PPP2R2B: variants seen among roughly 807,000 people sequenced by gnomAD.
The protein encoded by PPP2R2B is serine/threonine-protein phosphatase 2A 55 kDa regulatory subunit B beta isoform.
A neutral mutation model predicts 46.0 loss-of-function variants in PPP2R2B; 5 were observed. The observed-to-expected ratio is 0.11, with a 90% CI of 0.06 to 0.23. The LOEUF (loss-of-function observed/expected upper bound fraction) is 0.23, where lower values mean the gene tolerates loss of function less well. Ranked by LOEUF, PPP2R2B falls within the 10% of genes least tolerant of loss-of-function variation. PPP2R2B has a pLI of 1.00. For missense variants in PPP2R2B, 367 were observed against 575.0 expected, an observed-to-expected ratio of 0.64 and a Z score of 3.70; for synonymous variants, 215 against 206.7, an observed-to-expected ratio of 1.04 and a Z score of -0.34.
At chr5:146,915,471 C>T (rs1455084160) in intron 1 of PPP2R2B, among the ~76,000 whole-genome samples, 1 of 146,460 alleles carries the variant, frequency 6.8e-6, no homozygotes, top group Non-Finnish European at 1.5e-5. Flanking sequence ...CACACACACA[C>T]ACGTACACAT....
intron 1 of PPP2R2B, among the ~76,000 whole-genome samples, chr5:146,973,193 G>A: frequency 6.6e-6 from 1 of 152,106 alleles, no homozygotes; most frequent in South Asian, 2.1e-4. Flanking sequence ...TTACTTGGTT[G>A]TCCCAGTAGC....
At chr5:146,787,788 G>A (rs1269753787) in intron 2 of PPP2R2B, among the ~76,000 whole-genome samples, 2 of 152,076 alleles carry the variant, frequency 1.3e-5, no homozygotes, top group Non-Finnish European at 2.9e-5. Context: ...GGCTAGTCTC[G>A]AACTCCTGAC....
intron 5 of PPP2R2B, among the ~76,000 whole-genome samples, chr5:146,652,116 G>C (rs548954707): frequency 1.3e-5 from 2 of 152,302 alleles, no homozygotes; most frequent in Middle Eastern, 6.8e-3. Flanking sequence ...TTACGGATAA[G>C]GGCCTATAGA....
intron 2 of PPP2R2B, among the ~76,000 whole-genome samples, chr5:146,798,008 A>C (rs1756646284): frequency 6.6e-6 from 1 of 152,044 alleles, no homozygotes; most frequent in Non-Finnish European, 1.5e-5. Flanking sequence ...ATCTCCTTTC[A>C]GAGTCTCCCT....
rs1338503675 is a variant in PPP2R2B at position 146,812,826 on chromosome 5, TATAC to T, written c.70+65172_70+65175del. ...ATATATATATATATATATATATATA[TATAC>T]ACACACATTTCCATTATAAAACCAT... is the stretch of plus-strand genomic sequence containing the variant. On this transcript the variant is annotated intron_variant, in intron 2 of 9. Transcript: ENST00000394411. Among the ~76,000 whole-genome samples, 147 of 91,776 alleles carry T rather than the reference TATAC, an allele frequency of 1.6e-3. 13 individuals are homozygous for T. The highest frequency in any genetic ancestry group is 6.2e-3 in the South Asian group (17 of 2,738). 60.2% of individuals were successfully genotyped at this position (91,776 alleles called of 152,430 possible). A position where few individuals can be genotyped will look rare whatever the true frequency, so the allele number is the denominator to read the frequency against.
chr5:146,709,824 A>G (rs185760383), intron 2 of PPP2R2B, among the ~76,000 whole-genome samples: 26 of 152,150 alleles, frequency 1.7e-4, no homozygotes, highest in African/African-American at 5.8e-4. Flanking sequence ...AAATTGTTAA[A>G]CCCTGTGGTT....
At position 146,823,023 on chromosome 5, in the gene PPP2R2B, T is replaced by C. The variant is rs114086130; in HGVS notation, c.70+54979A>G. Among the ~76,000 whole-genome samples the C allele has an allele frequency of 3.2e-3, 488 of 152,282 alleles. 2 individuals carry two copies. Among genetic ancestry groups the C allele is most frequent in the African/African-American group, 0.011 (463 of 41,554 alleles). On this transcript the variant is annotated intron_variant, in intron 2 of 9. Transcript: ENST00000394411. ...TTATATTTAAGGAAAGCTGAGTCTTTTGGCAAAAGGGACTGTTTGGAGACA... is the reference window on the plus strand; with the variant it reads ...TTATATTTAAGGAAAGCTGAGTCTTCTGGCAAAAGGGACTGTTTGGAGACA...
chr5:146,952,825 A>G (rs189357084), intron 1 of PPP2R2B, among the ~76,000 whole-genome samples: 2 of 152,284 alleles, frequency 1.3e-5, no homozygotes, highest in East Asian at 3.9e-4. Flanking sequence ...CTTGGCTGCT[A>G]GGTATGTGAG....
Position 146,933,651 on chromosome 5 carries a change from A to G in PPP2R2B, c.79+122014T>C, listed in dbSNP as rs374078236. Among the ~76,000 whole-genome samples, 45 of 152,122 alleles carry G rather than the reference A, an allele frequency of 3.0e-4. No homozygotes were observed. The East Asian group carries it at 7.9e-3, about 27-fold the overall frequency. On this transcript the variant is annotated intron_variant, in intron 1 of 8. Coordinates refer to the PPP2R2B transcript ENST00000336640. ...TAAGAACATGTGACCTATCGTGACAAACGGAAGTTCTTTTTTTTTTTTAAG... is the reference window on the plus strand; with the variant it reads ...TAAGAACATGTGACCTATCGTGACAGACGGAAGTTCTTTTTTTTTTTTAAG...
chr5:146,733,699 C>CCACACACAGA (rs10644622), intron 2 of PPP2R2B, among the ~76,000 whole-genome samples: 31,349 of 150,702 alleles, frequency 0.21, 4,582 homozygotes, highest in African/African-American at 0.42. Context: ...GAAAACAAAA[C>CCACACACAGA]CACACACAGA....
chr5:146,871,105 T>C (rs1454950889), intron 2 of PPP2R2B, among the ~76,000 whole-genome samples: 1 of 152,146 alleles, frequency 6.6e-6, no homozygotes, highest in Non-Finnish European at 1.5e-5. Flanking sequence ...AGAGTTCTAT[T>C]GGAGTCAAAA....
intron 8 of PPP2R2B, among the ~76,000 whole-genome samples, chr5:146,599,979 C>T (rs1344640904): frequency 1.3e-5 from 2 of 152,212 alleles, no homozygotes; most frequent in Admixed American, 1.3e-4. Flanking sequence ...GAGAGGCACA[C>T]TCAATTCCTT....
At chr5:146,962,847 A>G (rs954011229) in intron 1 of PPP2R2B, among the ~76,000 whole-genome samples, 2 of 152,084 alleles carry the variant, frequency 1.3e-5, no homozygotes, top group African/African-American at 2.4e-5. Context: ...AATGACTTCA[A>G]ACTCATTTTT....
chr5:146,812,591 ACACTGC>A (rs1757632091), intron 2 of PPP2R2B, among the ~76,000 whole-genome samples: 1 of 21,728 alleles, frequency 4.6e-5, no homozygotes, highest in Non-Finnish European at 8.6e-5. Context: ...ATATATATAT[ACACTGC>A]TATCACTAGA....
chr5:146,759,952 C>T (rs886318251), intron 2 of PPP2R2B, among the ~76,000 whole-genome samples: 1 of 152,060 alleles, frequency 6.6e-6, no homozygotes, highest in Non-Finnish European at 1.5e-5. Context: ...CATATTTGTG[C>T]CTTCCCATCC....
At chr5:147,068,973 C>G (rs916971888) in intron 2 of PPP2R2B, among the ~76,000 whole-genome samples, 5 of 152,018 alleles carry the variant, frequency 3.3e-5, no homozygotes, top group African/African-American at 7.2e-5. Flanking sequence ...TGATAATGAC[C>G]CTTAAGAAAC....
intron 2 of PPP2R2B, among the ~76,000 whole-genome samples, chr5:146,747,123 T>C (rs939903786): frequency 2.0e-5 from 3 of 152,186 alleles, no homozygotes; most frequent in African/African-American, 7.2e-5. Context: ...CCCAAATTGC[T>C]TAATATCTTT....
At chr5:146,769,891 G>T (rs1211095616) in intron 2 of PPP2R2B, among the ~76,000 whole-genome samples, 1 of 151,996 alleles carries the variant, frequency 6.6e-6, no homozygotes, top group Admixed American at 6.5e-5. Flanking sequence ...AAATACACAT[G>T]TACTTGTCTT....
At chr5:146,760,265 A>G (rs1754081085) in intron 2 of PPP2R2B, among the ~76,000 whole-genome samples, 1 of 152,158 alleles carries the variant, frequency 6.6e-6, no homozygotes, top group Non-Finnish European at 1.5e-5. Context: ...GTATTGCTTT[A>G]ATCTCTATTT....
Sources: gnomAD v4.1 joint callset for allele counts (sites outside exome capture counted in the v4.1 genomes callset) on GRCh38, gnomAD v4.1.1 for gene constraint, MANE v1.5 for transcripts, NCBI Gene and HGNC (gene_info 2026-07-23, HGNC 2026-07-21) for gene names.